Variants in PIGN observed in about 807,000 individuals in gnomAD.
The protein encoded by PIGN is phosphatidylinositol glycan anchor biosynthesis class N.
PIGN carries 117 observed loss-of-function variants against 125.4 expected under a neutral mutation model. That is an observed-to-expected ratio of 0.93 (90% CI 0.80 to 1.09). The LOEUF is 1.09. Among genes scored for constraint, PIGN ranks in the 50% least tolerant of loss-of-function variants. The probability of loss-of-function intolerance (pLI) is 0.00; values close to 1 mark genes in which losing one functional copy is unlikely to be tolerated. For synonymous variants in PIGN, 392 were observed against 377.8 expected, an observed-to-expected ratio of 1.04 and a Z score of -0.44; for missense variants, 1,075 against 1,094.9, an observed-to-expected ratio of 0.98 and a Z score of 0.26.
chr18:62,081,087 A>G (rs1175693153), intron 28 of PIGN, among the ~76,000 whole-genome samples: 1 of 152,202 alleles, frequency 6.6e-6, no homozygotes, highest in Non-Finnish European at 1.5e-5. Context: ...TCGGAAGAGA[A>G]GCAGAATCAT....
downstream of PIGN, among the ~76,000 whole-genome samples, chr18:62,037,733 A>G (rs74986713): frequency 2.7e-3 from 407 of 152,296 alleles, 8 homozygotes; most frequent in East Asian, 0.051. Context: ...TCTCGTTACT[A>G]TCTTTCCAGT....
At chr18:62,039,102 T>A (rs2030300209), downstream of PIGN, among the ~76,000 whole-genome samples, 1 of 151,930 alleles carries the variant, frequency 6.6e-6, no homozygotes, top group African/African-American at 2.4e-5. Context: ...AAAAAACCAG[T>A]GAACCACCCC....
intron 1 of PIGN, among the ~76,000 whole-genome samples, chr18:62,185,516 A>G (rs2037888738): frequency 6.6e-6 from 1 of 152,252 alleles, no homozygotes; most frequent in South Asian, 2.1e-4. Context: ...ATTAAAGCCT[A>G]CTCTTAACTG....
rs111319153 is a variant in PIGN, at chr18:62,185,234, G to A, written c.-236+1610C>T. On this transcript the variant is annotated intron_variant, in intron 1 of 30. Coordinates refer to ENST00000640252, the MANE Select transcript of PIGN (RefSeq NM_176787.5). The stretch of plus-strand genomic sequence containing the variant: ...TCTCTGGAAAATCCAACTAAAATAC[G>A]GATCAGCAATCCCTTTTGCTAAGAA... Among the ~76,000 whole-genome samples the A allele has an allele frequency of 2.7e-3, 405 of 152,132 alleles. 3 individuals carry two copies. The highest frequency in any genetic ancestry group is 9.3e-3 in the African/African-American group (388 of 41,514).
intron 21 of PIGN, among the ~76,000 whole-genome samples, chr18:62,102,534 G>A (rs1010387111): frequency 1.4e-5 from 2 of 147,988 alleles, no homozygotes; most frequent in Non-Finnish European, 3.0e-5. Context: ...GCCCTTTTCA[G>A]TTCAACTTTT....
At chr18:62,048,624 A>G (rs1459979566) in intron 30 of PIGN, among the ~76,000 whole-genome samples, 59 of 1,530 alleles carry the variant, frequency 0.039, no homozygotes, top group African/African-American at 0.21. Flanking sequence ...TCACAGATGA[A>G]AAAAAAAAAC....
At chr18:62,148,565 T>A (rs917348680) in intron 7 of PIGN, among the ~76,000 whole-genome samples, 19 of 152,178 alleles carry the variant, frequency 1.2e-4, no homozygotes, top group African/African-American at 4.3e-4. Flanking sequence ...CAAAAAAAGA[T>A]GTTAGAAAGG....
intron 28 of PIGN, among the ~76,000 whole-genome samples, chr18:62,079,458 C>T (rs2033343277): frequency 6.6e-6 from 1 of 152,170 alleles, no homozygotes; most frequent in Non-Finnish European, 1.5e-5. Context: ...TGGCTAATGC[C>T]ACACATTGTG....
chr18:62,146,854 T>C (rs2036348552), intron 9 of PIGN, 117 bp downstream of exon 9: 1 of 977,374 alleles, frequency 1.0e-6, no homozygotes, highest in African/African-American at 1.6e-5. Context: ...CAGAATTATG[T>C]GCTAGACATT....
rs759453664 is a variant in PIGN at position 62,072,726 on chromosome 18, C to T, written c.2620-1G>A. Reference sequence around the variant, plus strand: ...AATCCTTGACCAAGAAGAAAAAATGCTGTAAAAAAAAAAAAAGGCTTAATG... The same window carrying T: ...AATCCTTGACCAAGAAGAAAAAATGTTGTAAAAAAAAAAAAAGGCTTAATG... On this transcript the variant is annotated splice_acceptor_variant, in intron 29 of 30. Coordinates refer to ENST00000640252, the MANE Select transcript of PIGN (RefSeq NM_176787.5). LOFTEE classifies it high-confidence loss of function. The T allele has an allele frequency of 2.8e-5, 42 of 1,511,056 alleles. No individual in the cohort carries two copies. In the South Asian group the frequency reaches 3.1e-4, roughly 11 times the overall value. 93.6% of individuals were successfully genotyped at this position (1,511,056 alleles called of 1,614,324 possible).
intron 13 of PIGN, among the ~76,000 whole-genome samples, chr18:62,138,553 G>T (rs2036018902): frequency 6.6e-6 from 1 of 152,108 alleles, no homozygotes; most frequent in Non-Finnish European, 1.5e-5. Flanking sequence ...CCTTAACTCT[G>T]AAAATAAAAC....
chr18:62,182,418 G>A (rs2037750373), intron 1 of PIGN, among the ~76,000 whole-genome samples: 1 of 152,128 alleles, frequency 6.6e-6, no homozygotes, highest in Non-Finnish European at 1.5e-5. Context: ...ATCTCAGTAG[G>A]TGGCACCACC....
At chr18:62,018,460 A>T (rs148093541) in intron 23 of PIGN, among the ~76,000 whole-genome samples, 1 of 152,338 alleles carries the variant, frequency 6.6e-6, no homozygotes, top group African/African-American at 2.4e-5. Flanking sequence ...CACTAGGGCA[A>T]CACATGCTTA....
At chr18:62,110,846 AT>A (rs1195344446) in intron 16 of PIGN, among the ~76,000 whole-genome samples, 7 of 147,992 alleles carry the variant, frequency 4.7e-5, no homozygotes, top group Admixed American at 1.4e-4. Context: ...ATAATAAAAA[AT>A]ATATATATAA....
At chr18:62,066,269 C>T (rs867123601) in intron 30 of PIGN, among the ~76,000 whole-genome samples, 23 of 152,194 alleles carry the variant, frequency 1.5e-4, no homozygotes, top group Admixed American at 5.2e-4. Flanking sequence ...GCAGCTTCCC[C>T]ATTCACAAGT....
At chr18:62,027,657 A>T (rs2030140434) in intron 23 of PIGN, among the ~76,000 whole-genome samples, 1 of 152,236 alleles carries the variant, frequency 6.6e-6, no homozygotes, top group Non-Finnish European at 1.5e-5. Flanking sequence ...GACTTTGAAT[A>T]GAATGGGAGA....
intron 27 of PIGN, among the ~76,000 whole-genome samples, chr18:62,083,754 G>A (rs920781216): frequency 4.6e-5 from 7 of 152,136 alleles, no homozygotes; most frequent in African/African-American, 1.7e-4. Flanking sequence ...AAATAACTCA[G>A]TAGGGAACAG....
chr18:62,085,337 G>C, intron 25 of PIGN, 73 bp from the exon 26 acceptor site: 1 of 999,510 alleles, frequency 1.0e-6, no homozygotes, highest in Non-Finnish European at 1.5e-6. Flanking sequence ...GAAAAGATAT[G>C]CTAATTTTAC....
At chr18:62,088,701 T>C in intron 25 of PIGN, 55 bp downstream of exon 25, 1 of 912,108 alleles carries the variant, frequency 1.1e-6, no homozygotes, top group Non-Finnish European at 1.8e-6. Context: ...CATGTCTTCT[T>C]ACTCCATTAA....
Sources: gnomAD v4.1 joint callset for allele counts (sites outside exome capture counted in the v4.1 genomes callset) on GRCh38, gnomAD v4.1.1 for gene constraint, MANE v1.5 for transcripts, NCBI Gene and HGNC (gene_info 2026-07-23, HGNC 2026-07-21) for gene names.